Variants in PRELID2 observed in about 807,000 individuals in gnomAD.
The protein encoded by PRELID2 is PRELI domain-containing protein 2.
A neutral mutation model predicts 28.4 loss-of-function variants in PRELID2; 25 were observed. The observed-to-expected ratio is 0.88, with a 90% CI of 0.64 to 1.23. The LOEUF (loss-of-function observed/expected upper bound fraction) is 1.23. PRELID2 is among the 50% of genes most tolerant of loss of function. PRELID2 has a pLI of 0.00. For missense variants in PRELID2, 201 were observed against 214.4 expected (o/e 0.94, Z 0.39); for synonymous variants, 76 against 71.6 (o/e 1.06, Z -0.31).
intron 5 of PRELID2, among the ~76,000 whole-genome samples, chr5:145,770,057 A>G (rs1309483757): frequency 1.3e-5 from 2 of 152,208 alleles, no homozygotes; most frequent in African/African-American, 4.8e-5. Flanking sequence ...TACATTCCTC[A>G]TGTGTTTGTG....
chr5:145,791,932 G>A (rs939541907), intron 5 of PRELID2, among the ~76,000 whole-genome samples: 4 of 152,148 alleles, frequency 2.6e-5, no homozygotes, highest in African/African-American at 9.7e-5. Flanking sequence ...GTCAGCTGTA[G>A]TGTAGACGAC....
At chr5:145,457,013 G>T in the PRELID2 span, among the ~76,000 whole-genome samples, 1 of 152,162 alleles carries the variant, frequency 6.6e-6, no homozygotes, top group Non-Finnish European at 1.5e-5. Flanking sequence ...AATCACCTAA[G>T]AGTGCCTCAG....
Position 145,835,157 on chromosome 5 carries a change from AGGTGGAAGCGGGGC to A in PRELID2, c.75+6_75+19del. ...CAGCGGAGGCAGCGCGGGATACGGA[AGGTGGAAGCGGGGC>A]GGTACCTTTCGGAGAAAGCTGGCGA... On this transcript the variant is annotated splice_donor_region_variant and intron_variant, in intron 1 of 6. Coordinates refer to ENST00000683046, the MANE Select transcript of PRELID2 (RefSeq NM_205846.3). 1 of 1,528,664 alleles carries A rather than the reference AGGTGGAAGCGGGGC, an allele frequency of 6.5e-7. No homozygotes were observed. The highest frequency in any genetic ancestry group is 8.9e-7 in the Non-Finnish European group (1 of 1,128,188). 94.7% of individuals were successfully genotyped at this position (1,528,664 alleles called of 1,614,324 possible).
intron 1 of PRELID2, among the ~76,000 whole-genome samples, chr5:145,613,039 T>G (rs555532199): frequency 6.6e-6 from 1 of 152,298 alleles, no homozygotes; most frequent in South Asian, 2.1e-4. Flanking sequence ...TTTAGTTCTT[T>G]TAAGGAATCT....
the PRELID2 span, among the ~76,000 whole-genome samples, chr5:145,372,102 T>C: frequency 3.3e-5 from 5 of 152,058 alleles, no homozygotes; most frequent in East Asian, 9.6e-4. Context: ...AATTTACCTC[T>C]TAACACTGCT....
intron 1 of PRELID2, among the ~76,000 whole-genome samples, chr5:145,648,848 T>TGG (rs1754240566): frequency 6.6e-6 from 1 of 150,694 alleles, no homozygotes; most frequent in African/African-American, 2.4e-5. Context: ...ACATATACAT[T>TGG]TTAAACCTTT....
In PRELID2 at chr5:145,536,865, G is replaced by T. The variant is rs191658305; in HGVS notation, n.71-63550C>A. ...GTGTATATTTCATAAGGGTGTAGGT[G>T]CATGGAGGGGTCCTGAGCACATTCA... is the stretch of plus-strand genomic sequence containing the variant. On this transcript the variant is annotated intron_variant and non_coding_transcript_variant, in intron 1 of 2. Transcript: ENST00000510259. Among the ~76,000 whole-genome samples the T allele has an allele frequency of 1.1e-4, 17 of 151,914 alleles. No individual in the cohort carries two copies. In the East Asian group the frequency reaches 2.9e-3, roughly 26 times the overall value.
intron 1 of PRELID2, among the ~76,000 whole-genome samples, chr5:145,694,478 T>A (rs1203378013): frequency 1.3e-5 from 2 of 152,198 alleles, no homozygotes. Flanking sequence ...TAAAACACCA[T>A]GTTTAAAAAG....
chr5:145,290,165 G>C, the PRELID2 span, among the ~76,000 whole-genome samples: 1 of 152,250 alleles, frequency 6.6e-6, no homozygotes, highest in Admixed American at 6.5e-5. Flanking sequence ...CTGTAAACTA[G>C]TTCAACCATT....
intron 1 of PRELID2, among the ~76,000 whole-genome samples, chr5:145,550,552 C>G (rs11958392): frequency 0.059 from 8,963 of 152,052 alleles, 889 homozygotes; most frequent in African/African-American, 0.2. Context: ...CTAACCTGGG[C>G]AACAGAGTGA....
rs950927949 is a variant in PRELID2 at position 145,601,361 on chromosome 5, T to C, written n.71-128046A>G. 4.6e-5 allele frequency among the ~76,000 whole-genome samples: 7 copies of C among 152,056 alleles called. No homozygotes were observed. In the East Asian group the frequency reaches 1.4e-3, roughly 29 times the overall value. On this transcript the variant is annotated intron_variant and non_coding_transcript_variant, in intron 1 of 2. Coordinates refer to the PRELID2 transcript ENST00000510259. ...AGAGAAGAGGTTAAAGGAAGAATAA[T>C]AAGGTCTAAAATCACCAGCCCCGTT...
chr5:145,545,435 T>C (rs1347859527), intron 1 of PRELID2, among the ~76,000 whole-genome samples: 1 of 135,948 alleles, frequency 7.4e-6, no homozygotes, highest in Admixed American at 7.6e-5. Context: ...CATGTATATA[T>C]GATGGAGTAG....
At chr5:145,413,703 C>A in the PRELID2 span, among the ~76,000 whole-genome samples, 13 of 151,802 alleles carry the variant, frequency 8.6e-5, no homozygotes, top group African/African-American at 2.9e-4. Flanking sequence ...CATCCCCCAC[C>A]CCCTTCCCTC....
chr5:145,459,142 C>A, the PRELID2 span, among the ~76,000 whole-genome samples: 1 of 152,154 alleles, frequency 6.6e-6, no homozygotes, highest in African/African-American at 2.4e-5. Flanking sequence ...AAAATAGGAA[C>A]AAGGACTGCC....
chr5:145,308,121 G>T, the PRELID2 span, among the ~76,000 whole-genome samples: 7 of 152,176 alleles, frequency 4.6e-5, no homozygotes, highest in Non-Finnish European at 1.0e-4. Context: ...GCCATTATCA[G>T]ACTGAGAGGG....
chr5:145,770,264 G>C (rs950727433), intron 5 of PRELID2, among the ~76,000 whole-genome samples: 2 of 152,032 alleles, frequency 1.3e-5, no homozygotes, highest in African/African-American at 4.8e-5. Context: ...CAGGCATGGT[G>C]GCACTTTGGG....
At chr5:145,660,470 C>G (rs185135141) in intron 1 of PRELID2, among the ~76,000 whole-genome samples, 5 of 152,242 alleles carry the variant, frequency 3.3e-5, no homozygotes, top group African/African-American at 1.2e-4. Flanking sequence ...AAAGTAAATT[C>G]AAGGAGACAG....
At chr5:145,702,110 T>G (rs957224047) in intron 1 of PRELID2, among the ~76,000 whole-genome samples, 4 of 152,000 alleles carry the variant, frequency 2.6e-5, no homozygotes, top group African/African-American at 9.7e-5. Context: ...ATGTTTTTAT[T>G]AATATATTGA....
At chr5:145,771,577 G>T (rs1050985691) in intron 5 of PRELID2, among the ~76,000 whole-genome samples, 1 of 151,686 alleles carries the variant, frequency 6.6e-6, no homozygotes, top group Non-Finnish European at 1.5e-5. Flanking sequence ...GGAAGTGGCT[G>T]GGCACAGTGG....
Sources: gnomAD v4.1 joint callset for allele counts (sites outside exome capture counted in the v4.1 genomes callset) on GRCh38, gnomAD v4.1.1 for gene constraint, MANE v1.5 for transcripts, NCBI Gene and HGNC (gene_info 2026-07-23, HGNC 2026-07-21) for gene names.